REM2: variants seen among roughly 807,000 people sequenced by gnomAD.
The protein encoded by REM2 is RRAD and GEM like GTPase 2.
REM2 carries 24 observed loss-of-function variants against 24.4 expected under a neutral mutation model. That is an observed-to-expected ratio of 0.98 (90% CI 0.71 to 1.38). REM2 has a LOEUF of 1.38. REM2 is among the 40% of genes most tolerant of loss of function. The probability of loss-of-function intolerance (pLI) is 0.00; values close to 1 mark genes in which losing one functional copy is unlikely to be tolerated. For missense variants in REM2, 429 were observed against 467.8 expected, an observed-to-expected ratio of 0.92 and a Z score of 0.77; for synonymous variants, 187 against 198.0, an observed-to-expected ratio of 0.94 and a Z score of 0.47.
At position 22,887,363 on chromosome 14, in the gene REM2, TTAAAGG is replaced by T. The variant is rs1247156096; in HGVS notation, c.*460_*465del. ...AACATGCCTCACCTTTAAGAGAGTC[TTAAAGG>T]TAAAGACACGAAAACACTTCCTCCA... is the stretch of plus-strand genomic sequence containing the variant. On this transcript the variant is annotated 3_prime_UTR_variant, in exon 5 of 5. Coordinates refer to ENST00000267396, the MANE Select transcript of REM2 (RefSeq NM_173527.3). 1 of 153,104 alleles carries T rather than the reference TTAAAGG, an allele frequency of 6.5e-6. No individual in the cohort carries two copies. Among genetic ancestry groups the T allele is most frequent in the Non-Finnish European group, 1.5e-5 (1 of 68,686 alleles). The allele number at this position is 153,104 out of a possible 1,614,324, so 9.5% of individuals were successfully genotyped here. A position where few individuals can be genotyped will look rare whatever the true frequency, so the allele number is the denominator to read the frequency against.
intron 1 of REM2, 25 bp downstream of exon 1, chr14:22,883,415 C>T (rs372146299): frequency 2.7e-4 from 413 of 1,550,152 alleles, no homozygotes; most frequent in Non-Finnish European, 3.4e-4. Flanking sequence ...GGGCAGGTTC[C>T]GGCTGAAACC....
rs1297145124 is a variant in REM2, at chr14:22,886,542, C to A, written c.728-72C>A. The A allele has an allele frequency of 7.4e-7, 1 of 1,355,656 alleles. No homozygotes were observed. Among genetic ancestry groups the A allele is most frequent in the Non-Finnish European group, 9.8e-7 (1 of 1,022,850 alleles). 84.0% of individuals were successfully genotyped at this position (1,355,656 alleles called of 1,614,324 possible). A position where few individuals can be genotyped will look rare whatever the true frequency, so the allele number is the denominator to read the frequency against. On this transcript the variant is annotated intron_variant, in intron 4 of 4. Transcript: ENST00000267396. The surrounding 1 kb of genome is among the most constrained non-coding windows in gnomAD (Gnocchi z 5.9). ...AATCCCTTGCCACCGCACGCCCAGGCCCTCCCTAGACCCACCCTCGCCCCG... is the reference window on the plus strand; with the variant it reads ...AATCCCTTGCCACCGCACGCCCAGGACCTCCCTAGACCCACCCTCGCCCCG...
Position 22,886,168 on chromosome 14 carries a change from C to A in REM2, c.664C>A (p.Leu222Ile). Residue 222 changes from leucine to isoleucine, a missense_variant, in exon 4 of 5, where the codon CTA becomes ATA. By Grantham distance (5) the Leu-to-Ile change is conservative. Coordinates refer to ENST00000267396, the MANE Select transcript of REM2 (RefSeq NM_173527.3). This position sits in a 1 kb window ranked among gnomAD's most constrained non-coding sequence, Gnocchi z 5.9. ...RLRAGRPHHD[L>I]PVILVGNKSD... ...CCGGGCTGGGAGGCCGCACCACGAC[C>A]TACCCGTTATCCTCGTTGGAAACAA... 1 of 1,613,978 alleles carries A rather than the reference C, an allele frequency of 6.2e-7. No individual in the cohort carries two copies. Among genetic ancestry groups the A allele is most frequent in the South Asian group, 1.1e-5 (1 of 91,082 alleles).
At position 22,886,648 on chromosome 14, in the gene REM2, G is replaced by C. The variant is rs374701869; in HGVS notation, c.762G>C (p.Lys254Asn). The C allele has an allele frequency of 1.4e-6, 2 of 1,459,776 alleles. No individual in the cohort carries two copies. The highest frequency in any genetic ancestry group is 1.8e-6 in the Non-Finnish European group (2 of 1,105,268). 90.4% of individuals were successfully genotyped at this position (1,459,776 alleles called of 1,614,324 possible). Residue 254 changes from lysine (K) to asparagine (N), a missense_variant, in exon 5 of 5, where the codon AAG (lysine) becomes AAC (asparagine). Lys to Asn is a moderately conservative substitution (Grantham distance 94, BLOSUM62 0). Coordinates refer to ENST00000267396, the MANE Select transcript of REM2 (RefSeq NM_173527.3). This position sits in a 1 kb window ranked among gnomAD's most constrained non-coding sequence, Gnocchi z 5.9. ...ACCTGGCCGGGACGCTGAGCTGCAAGCACATCGAGACGTCGGCCGCACTGC... is the reference window on the plus strand; with the variant it reads ...ACCTGGCCGGGACGCTGAGCTGCAACCACATCGAGACGTCGGCCGCACTGC... ...GRHLAGTLSCKHIETSAALHH... is the reference protein window; with the variant it reads ...GRHLAGTLSCNHIETSAALHH...
intron 2 of REM2, 28 bp downstream of exon 2, chr14:22,885,043 A>C: frequency 6.6e-7 from 1 of 1,521,764 alleles, no homozygotes; most frequent in East Asian, 2.3e-5. Flanking sequence ...CCAGGGGTTG[A>C]GGGGGCTCTG....
chr14:22,886,851 G>A lies in REM2; in HGVS notation c.965G>A (p.Arg322His). 1 of 1,545,918 alleles carries A rather than the reference G, an allele frequency of 6.5e-7. No homozygotes were observed. The highest frequency in any genetic ancestry group is 1.2e-5 in the South Asian group (1 of 83,506). Reference sequence around the variant, plus strand: ...AGGTTCCTCGCCAACCTGGTGCCGCGCAACGCCAAGTTCTTCAAGCAGCGC... The same window carrying A: ...AGGTTCCTCGCCAACCTGGTGCCGCACAACGCCAAGTTCTTCAAGCAGCGC... The part of the protein sequence containing the change: ...AKRFLANLVP[R>H]NAKFFKQRSR... The change falls in exon 5 of 5, where the codon CGC (arginine) becomes CAC (histidine). Residue 322 changes from arginine to histidine, a missense_variant. Physicochemically the swap from Arg to His is conservative, Grantham distance 29. Coordinates refer to ENST00000267396, the MANE Select transcript of REM2 (RefSeq NM_173527.3). This position sits in a 1 kb window ranked among gnomAD's most constrained non-coding sequence, Gnocchi z 5.9.
At chr14:22,885,460 C>A in intron 3 of REM2, 121 bp downstream of exon 3, 1 of 729,932 alleles carries the variant, frequency 1.4e-6, no homozygotes. Flanking sequence ...GGAACCTGAC[C>A]TTTCATTCAT....
chr14:22,884,227 T>C, intron 1 of REM2: 1 of 985,378 alleles, frequency 1.0e-6, no homozygotes, highest in East Asian at 1.1e-4. Flanking sequence ...CTTGTCATCC[T>C]CTCTGCTCCT....
In REM2 at chr14:22,883,274, GCACACGCA is replaced by G; in HGVS notation, c.-10_-3del. 23 of 1,303,506 alleles carry G rather than the reference GCACACGCA, an allele frequency of 1.8e-5. No homozygotes were observed. Among genetic ancestry groups the G allele is most frequent in the Non-Finnish European group, 2.5e-5 (23 of 919,702 alleles). The allele number at this position is 1,303,506 out of a possible 1,614,324, so 80.7% of individuals were successfully genotyped here. ...CTGGGCTGCACACGCACACGCACACGCACACGCACACTGATGCACACGGACCTGGACAC... is the reference window on the plus strand; with the variant it reads ...CTGGGCTGCACACGCACACGCACACGCACTGATGCACACGGACCTGGACAC... On this transcript the variant is annotated 5_prime_UTR_variant, in exon 1 of 5. Coordinates refer to ENST00000267396, the MANE Select transcript of REM2 (RefSeq NM_173527.3).
chr14:22,885,380 G>T (rs1177679947), intron 3 of REM2, 41 bp downstream of exon 3: 10 of 1,509,978 alleles, frequency 6.6e-6, no homozygotes, highest in African/African-American at 1.4e-5. Flanking sequence ...GATGAAGCTG[G>T]GAGAACTGGG....
intron 2 of REM2, 42 bp from the exon 3 acceptor site, chr14:22,885,224 A>C: frequency 6.4e-7 from 1 of 1,570,764 alleles, no homozygotes; most frequent in Non-Finnish European, 8.8e-7. Flanking sequence ...ATGTTGGGAA[A>C]CCTCCTAATG....
rs747672539 is a variant in REM2, at chr14:22,886,254, A to G, written c.727+23A>G. The G allele has an allele frequency of 6.3e-7, 1 of 1,586,750 alleles. No individual in the cohort carries two copies. The highest frequency in any genetic ancestry group is 2.3e-5 in the East Asian group (1 of 44,066). ...AGGGTGTGTATCCTGAACAGATTCC[A>G]TACTTGCGATCTCAGGGGAATGCTC... On this transcript the variant is annotated intron_variant, in intron 4 of 4. Transcript: ENST00000267396. This position sits in a 1 kb window ranked among gnomAD's most constrained non-coding sequence, Gnocchi z 5.9.
Position 22,886,390 on chromosome 14 carries a change from T to C in REM2, c.727+159T>C. ...CTCCCAATGCCCCACTCGAGGATCC[T>C]GAGAATCCCTTCTTGTCACTTCCCC... is the stretch of plus-strand genomic sequence containing the variant. On this transcript the variant is annotated intron_variant, in intron 4 of 4. Transcript: ENST00000267396. This position sits in a 1 kb window ranked among gnomAD's most constrained non-coding sequence, Gnocchi z 5.9. The C allele has an allele frequency of 1.3e-6, 1 of 771,442 alleles. No homozygotes were observed. The highest frequency in any genetic ancestry group is 2.1e-6 in the Non-Finnish European group (1 of 471,810). The allele number at this position is 771,442 out of a possible 1,614,324, so 47.8% of individuals were successfully genotyped here.
At position 22,887,374 on chromosome 14, in the gene REM2, G is replaced by A. The variant is rs2138817861; in HGVS notation, c.*465G>A. On this transcript the variant is annotated 3_prime_UTR_variant, in exon 5 of 5. Coordinates refer to ENST00000267396, the MANE Select transcript of REM2 (RefSeq NM_173527.3). ...CCTTTAAGAGAGTCTTAAAGGTAAAGACACGAAAACACTTCCTCCAGGGAC... is the reference window on the plus strand; with the variant it reads ...CCTTTAAGAGAGTCTTAAAGGTAAAAACACGAAAACACTTCCTCCAGGGAC... 1 of 152,734 alleles carries A rather than the reference G, an allele frequency of 6.5e-6. No homozygotes were observed. Among genetic ancestry groups the A allele is most frequent in the Admixed American group, 6.5e-5 (1 of 15,308 alleles). 9.5% of individuals were successfully genotyped at this position (152,734 alleles called of 1,614,324 possible). A position where few individuals can be genotyped will look rare whatever the true frequency, so the allele number is the denominator to read the frequency against.
At chr14:22,884,646 T>C in intron 1 of REM2, 28 bp from the exon 2 acceptor site, 1 of 1,572,514 alleles carries the variant, frequency 6.4e-7, no homozygotes, top group East Asian at 2.2e-5. Flanking sequence ...CATAGCTTCC[T>C]TTTCTTTGCC....
Position 22,887,554 on chromosome 14 carries a change from G to A in REM2, c.*645G>A, listed in dbSNP as rs913999623. Reference sequence around the variant, plus strand: ...GCACTTCCCCTTTAAGGTTATTAAAGGTAAGGGGTGGACAGACTTTCTGCA... The same window carrying A: ...GCACTTCCCCTTTAAGGTTATTAAAAGTAAGGGGTGGACAGACTTTCTGCA... On this transcript the variant is annotated 3_prime_UTR_variant, in exon 5 of 5. Coordinates refer to ENST00000267396, the MANE Select transcript of REM2 (RefSeq NM_173527.3). 3 of 152,190 alleles carry A rather than the reference G, an allele frequency of 2.0e-5. No individual in the cohort carries two copies. The highest frequency in any genetic ancestry group is 6.5e-5 in the Admixed American group (1 of 15,278). 9.4% of individuals were successfully genotyped at this position (152,190 alleles called of 1,614,324 possible).
chr14:22,885,810 T>A (rs912218527), intron 3 of REM2, among the ~76,000 whole-genome samples: 16 of 152,200 alleles, frequency 1.1e-4, no homozygotes, highest in African/African-American at 3.9e-4. Context: ...GCTTAAGAAA[T>A]TAGGATGGCT....
At chr14:22,884,511 G>GT in intron 1 of REM2, 163 bp from the exon 2 acceptor site, 3 of 985,458 alleles carry the variant, frequency 3.0e-6, no homozygotes, top group Non-Finnish European at 1.2e-6. Flanking sequence ...AGACTTTAGT[G>GT]TAAGAGGTCA....
intron 3 of REM2, 68 bp downstream of exon 3, chr14:22,885,407 C>A: frequency 8.2e-7 from 1 of 1,213,038 alleles, no homozygotes; most frequent in Non-Finnish European, 1.2e-6. Context: ...CAAAGTCTGG[C>A]TGAAGGCTGG....
Sources: allele counts gnomAD v4.1 joint callset (sites outside exome capture counted in the v4.1 genomes callset), GRCh38; gene constraint gnomAD v4.1.1; non-coding constraint Gnocchi (gnomAD v3.1); transcripts MANE v1.5; gene names NCBI Gene and HGNC (gene_info 2026-07-23, HGNC 2026-07-21).